The following GRIA3 variants were observed in gnomAD, a reference collection of about 807,000 sequenced individuals.
The protein encoded by GRIA3 is glutamate receptor 3.
In GRIA3, 3 loss-of-function variants were observed where a neutral mutation model predicts 63.0. The ratio of observed to expected loss-of-function variants is 0.05; its 90% CI spans 0.02 to 0.12. The LOEUF (loss-of-function observed/expected upper bound fraction) is 0.12. Ranked by LOEUF, GRIA3 falls within the 10% of genes least tolerant of loss-of-function variation. The pLI is 1.00. For synonymous variants in GRIA3, 274 were observed against 257.9 expected (o/e 1.06, Z -0.60); for missense variants, 347 against 700.9 (o/e 0.50, Z 5.70).
chrX:123,415,875 T>C (rs1187119954), intron 10 of GRIA3, among the ~76,000 whole-genome samples: 1 of 111,964 alleles, frequency 8.9e-6, no homozygotes, highest in Non-Finnish European at 1.9e-5. Flanking sequence ...AGACTCAAAT[T>C]TGCATTGGAA....
intron 4 of GRIA3, among the ~76,000 whole-genome samples, chrX:123,353,020 TACAC>T (rs556926418): frequency 0.011 from 995 of 87,701 alleles, 3 homozygotes; most frequent in African/African-American, 0.02. Flanking sequence ...CTCTCTCTCA[TACAC>T]ACACACACAC....
intron 10 of GRIA3, among the ~76,000 whole-genome samples, chrX:123,410,598 C>T (rs186282751): frequency 8.9e-6 from 1 of 111,786 alleles, no homozygotes; most frequent in East Asian, 2.8e-4. Context: ...TTAAGAAAGG[C>T]AGAGAGTCGA....
rs768579535 is a variant in GRIA3, at chrX:123,186,650, T to TGAGGG, written c.268+669_268+673dup. Among the ~76,000 whole-genome samples, 17 of 111,402 alleles carry TGAGGG rather than the reference T, an allele frequency of 1.5e-4. No homozygotes were observed. The East Asian group carries it at 4.5e-3, about 29-fold the overall frequency. ...TGCAAGTGATGAATGCCTAGCAAAC[T>TGAGGG]GAGGGGAGGGGAGAAAATGGTGATC... On this transcript the variant is annotated intron_variant, in intron 2 of 15. Coordinates refer to ENST00000620443, the MANE Select transcript of GRIA3 (RefSeq NM_007325.5).
intron 12 of GRIA3, among the ~76,000 whole-genome samples, chrX:123,442,591 G>A (rs1012326892): frequency 9.0e-6 from 1 of 111,423 alleles, no homozygotes; most frequent in Admixed American, 9.5e-5. Flanking sequence ...GTTGAATAGA[G>A]GACTCAGTAA....
chrX:123,233,777 T>C lies in GRIA3; in HGVS notation c.269-19526T>C, dbSNP rs749742627. Among the ~76,000 whole-genome samples the C allele has an allele frequency of 1.1e-3, 119 of 111,824 alleles. 2 individuals are homozygous for C. The highest frequency in any genetic ancestry group is 3.6e-3 in the African/African-American group (111 of 30,836). ...TGCTTAAGATCTAGAAATGAAAGAA[T>C]GAGCAAGATGTCTTCTGCCTGGGAA... On this transcript the variant is annotated intron_variant, in intron 2 of 15. Transcript: ENST00000620443.
Position 123,184,573 on chromosome X carries a change from G to A in GRIA3, c.38G>A (p.Arg13Gln). 1 of 1,210,296 alleles carries A rather than the reference G, an allele frequency of 8.3e-7. No homozygotes were observed. The highest frequency in any genetic ancestry group is 1.1e-6 in the Non-Finnish European group (1 of 894,535). ...AAGAAAATGGGGCAAAGCGTGCTCC[G>A]GGCGGTCTTCTTTTTAGTCCTGGGG... ...RQKKMGQSVL[R>Q]AVFFLVLGLL... The change falls in exon 1 of 16, where the codon CGG (arginine) becomes CAG (glutamine). Residue 13 changes from arginine to glutamine, a missense_variant. This residue lies in a region of GRIA3 where 36 missense variants were observed against 28.2 expected (regional missense o/e 1.28). Transcript: ENST00000620443.
intron 3 of GRIA3, among the ~76,000 whole-genome samples, chrX:123,271,707 G>A (rs190304152): frequency 3.6e-5 from 4 of 111,788 alleles, no homozygotes; most frequent in East Asian, 2.8e-4. Context: ...TCCTTTAGTC[G>A]TCACAAAAAT....
At chrX:123,273,523 G>A (rs1341228612) in intron 3 of GRIA3, among the ~76,000 whole-genome samples, 1 of 111,780 alleles carries the variant, frequency 8.9e-6, no homozygotes, top group Non-Finnish European at 1.9e-5. Context: ...CTTGAACTTA[G>A]GTCTGACTCT....
Position 123,249,881 on chromosome X carries a change from T to C in GRIA3, c.269-3422T>C, listed in dbSNP as rs1051068323. ...CAGGCTCCCTACACATTTTTATAAG[T>C]TCTTCTTTTGTCTCATTCTTCTTGT... On this transcript the variant is annotated intron_variant, in intron 2 of 15. Coordinates refer to ENST00000620443, the MANE Select transcript of GRIA3 (RefSeq NM_007325.5). Among the ~76,000 whole-genome samples, 3 of 111,581 alleles carry C rather than the reference T, an allele frequency of 2.7e-5. No individual in the cohort carries two copies. In the Admixed American group the frequency reaches 2.9e-4, roughly 11 times the overall value.
rs192009413 is a variant in GRIA3, at chrX:123,429,698, A to G, written c.2076+1559A>G. Among the ~76,000 whole-genome samples the G allele has an allele frequency of 4.3e-3, 482 of 111,970 alleles. 1 individual carries two copies. The highest frequency in any genetic ancestry group is 0.015 in the African/African-American group (460 of 30,819). ...ATGATAACCATCCCAATAGGCATGAAGTTTCTATATGAAGTAATTAACCAC... is the reference window on the plus strand; with the variant it reads ...ATGATAACCATCCCAATAGGCATGAGGTTTCTATATGAAGTAATTAACCAC... On this transcript the variant is annotated intron_variant, in intron 12 of 15. Coordinates refer to ENST00000620443, the MANE Select transcript of GRIA3 (RefSeq NM_007325.5).
intron 12 of GRIA3, among the ~76,000 whole-genome samples, chrX:123,463,699 A>C (rs2045815435): frequency 2.2e-5 from 1 of 45,942 alleles, no homozygotes; most frequent in Admixed American, 2.4e-4. Context: ...AGAAAGAAAG[A>C]AAAAGAAAGA....
At chrX:123,282,042 A>G (rs916334591) in intron 3 of GRIA3, among the ~76,000 whole-genome samples, 5 of 111,609 alleles carry the variant, frequency 4.5e-5, no homozygotes, top group Non-Finnish European at 9.4e-5. Context: ...TAAAACACCA[A>G]TTACTGGGCC....
chrX:123,450,902 C>T (rs928414248), intron 12 of GRIA3, among the ~76,000 whole-genome samples: 1 of 111,416 alleles, frequency 9.0e-6, no homozygotes, highest in African/African-American at 3.3e-5. Context: ...GGTGGAGTTG[C>T]GTGGAGAGAA....
At chrX:123,208,689 C>G (rs1040451976) in intron 2 of GRIA3, among the ~76,000 whole-genome samples, 2 of 112,172 alleles carry the variant, frequency 1.8e-5, no homozygotes, top group African/African-American at 6.5e-5. Flanking sequence ...TAAAGGTCAT[C>G]TTTTCCCACC....
At chrX:123,380,600 G>C (rs1277611229) in intron 5 of GRIA3, among the ~76,000 whole-genome samples, 12 of 111,726 alleles carry the variant, frequency 1.1e-4, no homozygotes, top group African/African-American at 3.9e-4. Context: ...TAGGTTGCCT[G>C]TTCACTCTGA....
At chrX:123,444,088 C>T (rs2045690330) in intron 12 of GRIA3, among the ~76,000 whole-genome samples, 2 of 111,338 alleles carry the variant, frequency 1.8e-5, no homozygotes, top group Admixed American at 1.9e-4. Flanking sequence ...GAGATTGCAC[C>T]AAGAGCTTTG....
intron 2 of GRIA3, among the ~76,000 whole-genome samples, chrX:123,225,676 G>T (rs1300915237): frequency 1.8e-5 from 2 of 111,441 alleles, no homozygotes; most frequent in African/African-American, 6.5e-5. Context: ...CAAATAGGAT[G>T]AATCAATTAA....
At chrX:123,426,409 G>A (rs928000888) in intron 11 of GRIA3, among the ~76,000 whole-genome samples, 1 of 111,847 alleles carries the variant, frequency 8.9e-6, no homozygotes, top group Non-Finnish European at 1.9e-5. Context: ...GACCAAACTT[G>A]CAACCCTGTC....
At chrX:123,348,858 A>G (rs1322527655) in intron 4 of GRIA3, among the ~76,000 whole-genome samples, 1 of 112,134 alleles carries the variant, frequency 8.9e-6, no homozygotes, top group African/African-American at 3.2e-5. Context: ...GTAGATGAAG[A>G]TATTCTTAAA....
Sources: allele counts gnomAD v4.1 joint callset (sites outside exome capture counted in the v4.1 genomes callset), GRCh38; gene constraint gnomAD v4.1.1; regional missense constraint gnomAD v4.1.1; transcripts MANE v1.5; gene names NCBI Gene and HGNC (gene_info 2026-07-23, HGNC 2026-07-21).